Variants in ARHGAP44 observed in about 807,000 individuals in gnomAD.
ARHGAP44 encodes rho GTPase-activating protein 44.
ARHGAP44 carries 43 observed loss-of-function variants against 106.8 expected under a neutral mutation model. The observed-to-expected ratio is 0.40, with a 90% CI of 0.32 to 0.52. The LOEUF (loss-of-function observed/expected upper bound fraction) is 0.52. Among genes scored for constraint, ARHGAP44 ranks in the 20% least tolerant of loss-of-function variants. ARHGAP44 has a pLI of 0.48. For missense variants in ARHGAP44, 866 were observed against 1,050.5 expected (o/e 0.82, Z 2.43); for synonymous variants, 439 against 410.3 (o/e 1.07, Z -0.85).
At chr17:12,907,014 A>G (rs1034523111) in intron 3 of ARHGAP44, among the ~76,000 whole-genome samples, 9 of 152,298 alleles carry the variant, frequency 5.9e-5, no homozygotes, top group South Asian at 2.1e-4. Flanking sequence ...AAAATGTTCT[A>G]TGAGAGCAGT....
chr17:12,944,209 A>C lies in ARHGAP44; in HGVS notation c.861+13A>C. ...GATGCAGGAGGAGGTAGGTCTGAGC[A>C]CAGCCACACGCCGCCCCGGGCAGGT... On this transcript the variant is annotated intron_variant, in intron 10 of 20. Coordinates refer to ENST00000379672, the MANE Select transcript of ARHGAP44 (RefSeq NM_014859.6). 4 of 1,592,468 alleles carry C rather than the reference A, an allele frequency of 2.5e-6. No homozygotes were observed. The highest frequency in any genetic ancestry group is 3.4e-6 in the Non-Finnish European group (4 of 1,167,536).
chr17:12,803,974 A>T (rs1438160425), intron 1 of ARHGAP44, among the ~76,000 whole-genome samples: 3 of 152,208 alleles, frequency 2.0e-5, no homozygotes, highest in Admixed American at 6.5e-5. Context: ...AACAGATGTC[A>T]TAATTCAGAG....
At chr17:12,981,797 G>GC (rs2039838095) in intron 19 of ARHGAP44, among the ~76,000 whole-genome samples, 1 of 151,206 alleles carries the variant, frequency 6.6e-6, no homozygotes, top group Non-Finnish European at 1.5e-5. Context: ...GATTGCCTGA[G>GC]CTCAGGAGTT....
intron 12 of ARHGAP44, among the ~76,000 whole-genome samples, chr17:12,951,241 G>C (rs1235906326): frequency 6.6e-6 from 1 of 152,110 alleles, no homozygotes; most frequent in African/African-American, 2.4e-5. Context: ...CTGTAATTTT[G>C]ACAAGAACCC....
At chr17:12,894,280 AGATAAAGAGAGAGT>A (rs2037137670) in intron 1 of ARHGAP44, among the ~76,000 whole-genome samples, 1 of 143,650 alleles carries the variant, frequency 7.0e-6, no homozygotes, top group Non-Finnish European at 1.5e-5. Context: ...GCGTGTTGTC[AGATAAAGAGAGAGT>A]GAGAAAGAGA....
chr17:12,958,977 C>A lies in ARHGAP44; in HGVS notation c.1523+80C>A. On this transcript the variant is annotated intron_variant, in intron 16 of 20. Coordinates refer to ENST00000379672, the MANE Select transcript of ARHGAP44 (RefSeq NM_014859.6). This position sits in a 1 kb window ranked among gnomAD's most constrained non-coding sequence, Gnocchi z 4.1. Reference sequence around the variant, plus strand: ...GGATGGGTGACGCATAAGAAAAATACAATTACGGGAAGGCTGCACTGACTC... The same window carrying A: ...GGATGGGTGACGCATAAGAAAAATAAAATTACGGGAAGGCTGCACTGACTC... The A allele has an allele frequency of 6.8e-7, 1 of 1,478,720 alleles. No homozygotes were observed. The highest frequency in any genetic ancestry group is 9.2e-7 in the Non-Finnish European group (1 of 1,086,568). The allele number at this position is 1,478,720 out of a possible 1,614,324, so 91.6% of individuals were successfully genotyped here. A position where few individuals can be genotyped will look rare whatever the true frequency, so the allele number is the denominator to read the frequency against.
intron 3 of ARHGAP44, among the ~76,000 whole-genome samples, chr17:12,907,608 C>G (rs2037592478): frequency 6.6e-6 from 1 of 152,204 alleles, no homozygotes; most frequent in Admixed American, 6.5e-5. Context: ...TTTCACTTAG[C>G]ATGATGTCTT....
At chr17:12,914,794 C>CTCTTGTT (rs2037854184) in intron 4 of ARHGAP44, among the ~76,000 whole-genome samples, 2 of 110,496 alleles carry the variant, frequency 1.8e-5, no homozygotes, top group Non-Finnish European at 3.9e-5. Flanking sequence ...GAAACTCCAT[C>CTCTTGTT]TCAAGAAAAA....
chr17:12,793,790 T>G (rs1011450785), intron 1 of ARHGAP44, among the ~76,000 whole-genome samples: 8 of 152,206 alleles, frequency 5.3e-5, no homozygotes, highest in Non-Finnish European at 1.0e-4. Context: ...TTTTATCTTT[T>G]GTCATTTACT....
In ARHGAP44 at chr17:12,854,631, A is replaced by G. The variant is rs534982145; in HGVS notation, c.54-40309A>G. ...TATGGAAGACATCAGGTCACAGAAC[A>G]GTGCAGAGGATATGAACCCGTTATG... On this transcript the variant is annotated intron_variant, in intron 1 of 20. Coordinates refer to ENST00000379672, the MANE Select transcript of ARHGAP44 (RefSeq NM_014859.6). 2.6e-5 allele frequency among the ~76,000 whole-genome samples: 4 copies of G among 152,326 alleles called. No individual in the cohort carries two copies. In the South Asian group the frequency reaches 6.2e-4, roughly 24 times the overall value.
intron 1 of ARHGAP44, among the ~76,000 whole-genome samples, chr17:12,839,095 T>C (rs59379509): frequency 0.09 from 13,681 of 152,210 alleles, 1,223 homozygotes; most frequent in African/African-American, 0.23. Context: ...AGAATTTTAC[T>C]TACTGGAGTA....
chr17:12,904,236 A>G, intron 3 of ARHGAP44, among the ~76,000 whole-genome samples: 1 of 152,074 alleles, frequency 6.6e-6, no homozygotes, highest in East Asian at 1.9e-4. Context: ...CCTCCCGAGT[A>G]GCTGGGATTA....
At chr17:12,980,033 T>G in intron 18 of ARHGAP44, 25 bp from the exon 19 acceptor site, 1 of 1,580,292 alleles carries the variant, frequency 6.3e-7, no homozygotes, top group Non-Finnish European at 8.6e-7. Flanking sequence ...GGGCTTTTCT[T>G]TTGTCTCATG....
rs1177344982 is a variant in ARHGAP44 at position 12,978,035 on chromosome 17, TCAAAAA to T, written c.1764-2022_1764-2017del. Among the ~76,000 whole-genome samples the T allele has an allele frequency of 1.8e-4, 10 of 55,562 alleles. 1 individual carries two copies. The highest frequency in any genetic ancestry group is 6.7e-4 in the South Asian group (1 of 1,482). The allele number at this position is 55,562 out of a possible 152,430, so 36.5% of individuals were successfully genotyped here. A position where few individuals can be genotyped will look rare whatever the true frequency, so the allele number is the denominator to read the frequency against. ...CTGGGCAACAGAGCAAGACTCCATC[TCAAAAA>T]AAAAAAAAAAAAAAAGTGTGTTTCG... On this transcript the variant is annotated intron_variant, in intron 18 of 20. Coordinates refer to ENST00000379672, the MANE Select transcript of ARHGAP44 (RefSeq NM_014859.6).
Position 12,978,035 on chromosome 17 carries a change from T to TAAAAAAAAAAAAAAAAAAAAAA in ARHGAP44, c.1764-2023_1764-2022insAAAAAAAAAAAAAAAAAAAAAA, listed in dbSNP as rs757585682. 5.2e-3 allele frequency among the ~76,000 whole-genome samples: 288 copies of TAAAAAAAAAAAAAAAAAAAAAA among 55,392 alleles called. 67 individuals carry two copies. Among genetic ancestry groups the TAAAAAAAAAAAAAAAAAAAAAA allele is most frequent in the East Asian group, 0.014 (29 of 2,082 alleles). 36.3% of individuals were successfully genotyped at this position (55,392 alleles called of 152,430 possible). A position where few individuals can be genotyped will look rare whatever the true frequency, so the allele number is the denominator to read the frequency against. ...CTGGGCAACAGAGCAAGACTCCATCTCAAAAAAAAAAAAAAAAAAAAGTGT... is the reference window on the plus strand; with the variant it reads ...CTGGGCAACAGAGCAAGACTCCATCTAAAAAAAAAAAAAAAAAAAAAACAAAAAAAAAAAAAAAAAAAAGTGT... On this transcript the variant is annotated intron_variant, in intron 18 of 20. Coordinates refer to ENST00000379672, the MANE Select transcript of ARHGAP44 (RefSeq NM_014859.6).
chr17:12,989,209 C>T (rs1328605348), intron 20 of ARHGAP44, among the ~76,000 whole-genome samples: 1 of 151,406 alleles, frequency 6.6e-6, no homozygotes, highest in Non-Finnish European at 1.5e-5. Context: ...GGCTGTAGCA[C>T]ATCCTGGAGG....
At position 12,974,191 on chromosome 17, in the gene ARHGAP44, G is replaced by A. The variant is rs749532745; in HGVS notation, c.1644G>A (p.Pro548=). 3.3e-5 allele frequency: 51 copies of A among 1,548,646 alleles called. No homozygotes were observed. The highest frequency in any genetic ancestry group is 4.4e-5 in the Non-Finnish European group (50 of 1,146,862). ...CAPPSMQPPA[P]PAELAAPLPS... The stretch of plus-strand genomic sequence containing the variant: ...CGCCCTCCATGCAGCCTCCCGCCCC[G>A]CCCGCCGAGCTGGCTGCGCCCCTGC... The change falls in exon 18 of 21, where the codon CCG becomes CCA. Residue 548 remains proline (P), a synonymous_variant. Coordinates refer to ENST00000379672, the MANE Select transcript of ARHGAP44 (RefSeq NM_014859.6).
chr17:12,981,626 G>A (rs182602352), intron 19 of ARHGAP44, among the ~76,000 whole-genome samples: 154 of 151,942 alleles, frequency 1.0e-3, no homozygotes, highest in African/African-American at 3.4e-3. Flanking sequence ...TCGAACTCCT[G>A]ACCTCAGGTG....
chr17:12,854,431 A>G (rs2035846635), intron 1 of ARHGAP44, among the ~76,000 whole-genome samples: 1 of 152,160 alleles, frequency 6.6e-6, no homozygotes, highest in South Asian at 2.1e-4. Context: ...ATGCAGAAAG[A>G]TTAATGTGTA....
Sources: allele counts gnomAD v4.1 joint callset (sites outside exome capture counted in the v4.1 genomes callset), GRCh38; gene constraint gnomAD v4.1.1; non-coding constraint Gnocchi (gnomAD v3.1); transcripts MANE v1.5; gene names NCBI Gene and HGNC (gene_info 2026-07-23, HGNC 2026-07-21).